Variants in SCGN observed in about 807,000 individuals in gnomAD.
The protein encoded by SCGN is secretagogin.
A neutral mutation model predicts 39.7 loss-of-function variants in SCGN; 30 were observed. That is an observed-to-expected ratio of 0.76 (90% CI 0.57 to 1.03). The LOEUF is 1.03. Among genes scored for constraint, SCGN ranks in the 50% least tolerant of loss-of-function variants. SCGN has a pLI of 0.00. For synonymous variants in SCGN, 106 were observed against 114.1 expected, an observed-to-expected ratio of 0.93 and a Z score of 0.45; for missense variants, 353 against 349.4, an observed-to-expected ratio of 1.01 and a Z score of -0.08.
At position 25,700,241 on chromosome 6, in the gene SCGN, C is replaced by CAAAAA. The variant is rs34079471; in HGVS notation, c.703-949_703-945dup. 1.3e-3 allele frequency among the ~76,000 whole-genome samples: 134 copies of CAAAAA among 100,690 alleles called. 2 individuals carry two copies. Among genetic ancestry groups the CAAAAA allele is most frequent in the African/African-American group, 4.2e-3 (106 of 25,280 alleles). 66.1% of individuals were successfully genotyped at this position (100,690 alleles called of 152,430 possible). ...AGCAGGGACGGCTGCGACTTCGTCTCAAAAAAAAAAAAAAAAAAAAATTTT... is the reference window on the plus strand; with the variant it reads ...AGCAGGGACGGCTGCGACTTCGTCTCAAAAAAAAAAAAAAAAAAAAAAAAAATTTT... On this transcript the variant is annotated intron_variant, in intron 10 of 10. Coordinates refer to ENST00000377961, the MANE Select transcript of SCGN (RefSeq NM_006998.4).
At chr6:25,692,720 G>T (rs530365873) in intron 10 of SCGN, among the ~76,000 whole-genome samples, 1 of 152,322 alleles carries the variant, frequency 6.6e-6, no homozygotes, top group Admixed American at 6.5e-5. Flanking sequence ...TGGGCTGAGG[G>T]ATTAAGCTCT....
rs1368228008 is a variant in SCGN, at chr6:25,666,031, ATT to A, written c.336+1001_336+1002del. Among the ~76,000 whole-genome samples, 81 of 151,876 alleles carry A rather than the reference ATT, an allele frequency of 5.3e-4. No individual in the cohort carries two copies. In the East Asian group the frequency reaches 0.015, roughly 29 times the overall value. ...ATTATCCACAGTTATTTATTTATTT[ATT>A]TATTTATTTAAAAAACTTTGTCCTG... On this transcript the variant is annotated intron_variant, in intron 4 of 10. Transcript: ENST00000377961.
At chr6:25,667,512 T>C (rs904906516) in intron 4 of SCGN, among the ~76,000 whole-genome samples, 10 of 152,236 alleles carry the variant, frequency 6.6e-5, no homozygotes, top group Non-Finnish European at 1.2e-4. Flanking sequence ...CCAGCTCATG[T>C]GCCATTATTG....
chr6:25,691,242 G>T, intron 10 of SCGN, 118 bp downstream of exon 10: 1 of 738,110 alleles, frequency 1.4e-6, no homozygotes, highest in Non-Finnish European at 2.3e-6. Context: ...TAGGGATGTA[G>T]TTTATTTAAT....
rs1349859761 is a variant in SCGN at position 25,701,628 on chromosome 6, G to GT, written c.*294dup. ...TGCCTGTCCTTCCCCAGTCACCAGG[G>GT]TGGGGGGGACAGGGGCAGCTGAGTG... is the stretch of plus-strand genomic sequence containing the variant. On this transcript the variant is annotated 3_prime_UTR_variant, in exon 11 of 11. Transcript: ENST00000377961. 2 of 258,700 alleles carry GT rather than the reference G, an allele frequency of 7.7e-6. No homozygotes were observed. The highest frequency in any genetic ancestry group is 1.4e-5 in the Non-Finnish European group (2 of 138,146). 16.0% of individuals were successfully genotyped at this position (258,700 alleles called of 1,614,324 possible). A position where few individuals can be genotyped will look rare whatever the true frequency, so the allele number is the denominator to read the frequency against.
chr6:25,693,200 C>A (rs1759794793), intron 10 of SCGN, among the ~76,000 whole-genome samples: 1 of 151,974 alleles, frequency 6.6e-6, no homozygotes, highest in African/African-American at 2.4e-5. Context: ...GCCTGTAATC[C>A]TAGCACTTTG....
At chr6:25,653,176 C>A (rs1760163773) in intron 1 of SCGN, among the ~76,000 whole-genome samples, 1 of 152,112 alleles carries the variant, frequency 6.6e-6, no homozygotes, top group African/African-American at 2.4e-5. Flanking sequence ...AATATAAACC[C>A]TAGCATAAAG....
intron 7 of SCGN, among the ~76,000 whole-genome samples, chr6:25,685,179 C>G (rs1759687917): frequency 6.6e-6 from 1 of 151,956 alleles, no homozygotes; most frequent in South Asian, 2.1e-4. Flanking sequence ...TGAATTTTGC[C>G]CAGTGAGATC....
At chr6:25,683,672 T>C (rs887704040) in intron 7 of SCGN, among the ~76,000 whole-genome samples, 2 of 152,216 alleles carry the variant, frequency 1.3e-5, no homozygotes, top group African/African-American at 4.8e-5. Context: ...TATAGTGAAG[T>C]GGTCAGATGC....
intron 8 of SCGN, 42 bp downstream of exon 8, chr6:25,689,259 G>A: frequency 7.1e-7 from 1 of 1,412,162 alleles, no homozygotes; most frequent in East Asian, 2.3e-5. Flanking sequence ...TGTCATTGCT[G>A]TTTCTCTACG....
At chr6:25,667,638 C>T (rs563191314) in intron 4 of SCGN, among the ~76,000 whole-genome samples, 8 of 152,136 alleles carry the variant, frequency 5.3e-5, no homozygotes, top group Non-Finnish European at 8.8e-5. Flanking sequence ...TGTCTTTGTT[C>T]GCCATTCCTT....
At chr6:25,661,760 CA>C (rs1561761086) in intron 3 of SCGN, 116 bp downstream of exon 3, 1 of 687,486 alleles carries the variant, frequency 1.5e-6, no homozygotes, top group East Asian at 3.0e-5. Context: ...TACATTTGAT[CA>C]GGAAATTAGA....
At chr6:25,653,934 T>C (rs1296076276) in intron 2 of SCGN, among the ~76,000 whole-genome samples, 2 of 152,176 alleles carry the variant, frequency 1.3e-5, no homozygotes, top group Admixed American at 1.3e-4. Context: ...TTTCAGGGAA[T>C]GACAAACCAG....
chr6:25,672,330 T>C (rs1040170073), intron 6 of SCGN, among the ~76,000 whole-genome samples: 7 of 152,176 alleles, frequency 4.6e-5, no homozygotes, highest in African/African-American at 1.7e-4. Flanking sequence ...CAACAAATAA[T>C]AAATGTAATT....
intron 10 of SCGN, 96 bp downstream of exon 10, chr6:25,691,220 A>C: frequency 1.1e-6 from 1 of 935,114 alleles, no homozygotes; most frequent in South Asian, 1.5e-5. Flanking sequence ...GGTTAATGTC[A>C]AAGATAAAAT....
intron 2 of SCGN, among the ~76,000 whole-genome samples, chr6:25,654,827 C>T (rs547756692): frequency 6.6e-6 from 1 of 152,268 alleles, no homozygotes; most frequent in African/African-American, 2.4e-5. Context: ...TTACCCTGTG[C>T]AGCCTGTGAA....
intron 6 of SCGN, among the ~76,000 whole-genome samples, chr6:25,678,248 C>T (rs1759590851): frequency 1.3e-5 from 2 of 152,142 alleles, no homozygotes; most frequent in Admixed American, 6.5e-5. Context: ...AAGGGCTCTT[C>T]ACCACCTTTC....
At chr6:25,674,468 G>A (rs7752188) in intron 6 of SCGN, among the ~76,000 whole-genome samples, 151,371 of 152,342 alleles carry the variant, frequency 0.99, 75,210 homozygotes, top group Middle Eastern at 1. Context: ...TAACTTTTTA[G>A]AAAATGACTT....
chr6:25,698,493 G>A (rs2151384417), intron 10 of SCGN, among the ~76,000 whole-genome samples: 1 of 152,342 alleles, frequency 6.6e-6, no homozygotes, highest in East Asian at 1.9e-4. Flanking sequence ...AAAGGATCCT[G>A]GGGCCGTTTA....
Sources: gnomAD v4.1 joint callset for allele counts (sites outside exome capture counted in the v4.1 genomes callset) on GRCh38, gnomAD v4.1.1 for gene constraint, MANE v1.5 for transcripts, NCBI Gene and HGNC (gene_info 2026-07-23, HGNC 2026-07-21) for gene names.